Variants in NOX4 observed in about 807,000 individuals in gnomAD.
The protein encoded by NOX4 is kidney oxidase-1.
NOX4 carries 69 observed loss-of-function variants against 87.6 expected under a neutral mutation model. The observed-to-expected ratio is 0.79, with a 90% CI of 0.65 to 0.96. NOX4 has a LOEUF of 0.96. NOX4 is among the 40% of genes least tolerant of loss of function. NOX4 has a pLI of 0.00. For synonymous variants in NOX4, 275 were observed against 238.2 expected, an observed-to-expected ratio of 1.15 and a Z score of -1.42; for missense variants, 680 against 681.5, an observed-to-expected ratio of 1.00 and a Z score of 0.02.
At chr11:89,576,200 A>C in the NOX4 span, among the ~76,000 whole-genome samples, 12 of 152,212 alleles carry the variant, frequency 7.9e-5, no homozygotes, top group Non-Finnish European at 1.2e-4. Flanking sequence ...TAAGTTGAGA[A>C]AGTTTGAAAA....
intron 5 of NOX4, 74 bp downstream of exon 5, chr11:89,444,061 A>T: frequency 7.7e-7 from 1 of 1,291,592 alleles, no homozygotes; most frequent in Non-Finnish European, 1.1e-6. Context: ...ACAAATTTTC[A>T]GGGAAAAATC....
chr11:89,461,214 C>T (rs1230241664), intron 2 of NOX4, among the ~76,000 whole-genome samples: 1 of 151,436 alleles, frequency 6.6e-6, no homozygotes, highest in African/African-American at 2.4e-5. Context: ...TGTTAAATGA[C>T]GAGTTAATGG....
intron 11 of NOX4, among the ~76,000 whole-genome samples, chr11:89,385,050 C>T (rs993708071): frequency 6.6e-6 from 1 of 152,162 alleles, no homozygotes; most frequent in African/African-American, 2.4e-5. Context: ...GAGGCTACCG[C>T]TCTGTCCCCT....
intron 6 of NOX4, among the ~76,000 whole-genome samples, chr11:89,433,825 T>G (rs1179021817): frequency 6.6e-6 from 1 of 152,010 alleles, no homozygotes; most frequent in Non-Finnish European, 1.5e-5. Flanking sequence ...TTGCTACAAA[T>G]CCAACATTAG....
rs1391595202 is a variant in NOX4 at position 89,482,697 on chromosome 11, T to C, written c.153+7761A>G. The stretch of plus-strand genomic sequence containing the variant: ...AAACTAACAGAGTAGGTATTAGTTA[T>C]ACAAGTCCACCTCATATATAAGAAT... On this transcript the variant is annotated intron_variant, in intron 2 of 17. Transcript: ENST00000263317. Among the ~76,000 whole-genome samples the C allele has an allele frequency of 2.6e-5, 4 of 152,228 alleles. No individual in the cohort carries two copies. The East Asian group carries it at 7.7e-4, about 29-fold the overall frequency.
intron 12 of NOX4, among the ~76,000 whole-genome samples, chr11:89,366,536 C>T (rs1369607831): frequency 6.6e-6 from 1 of 151,632 alleles, no homozygotes; most frequent in African/African-American, 2.4e-5. Flanking sequence ...ATTAGCCAGG[C>T]ATGGTGGTCT....
chr11:89,452,952 G>A (rs1009333331), intron 2 of NOX4, among the ~76,000 whole-genome samples: 7 of 152,098 alleles, frequency 4.6e-5, no homozygotes, highest in African/African-American at 1.7e-4. Flanking sequence ...ACTGGCACAG[G>A]AGAATTGCTT....
chr11:89,440,415 G>A (rs561741888), intron 6 of NOX4, among the ~76,000 whole-genome samples: 1 of 152,154 alleles, frequency 6.6e-6, no homozygotes, highest in African/African-American at 2.4e-5. Flanking sequence ...TGCCTCCTGG[G>A]TTCAAGTGAT....
At chr11:89,566,894 C>T in the NOX4 span, among the ~76,000 whole-genome samples, 11 of 152,002 alleles carry the variant, frequency 7.2e-5, no homozygotes, top group Non-Finnish European at 1.2e-4. Flanking sequence ...GAGTATTAAC[C>T]GTAGGAATCC....
At chr11:89,433,075 A>T (rs1943894033) in intron 6 of NOX4, among the ~76,000 whole-genome samples, 1 of 152,164 alleles carries the variant, frequency 6.6e-6, no homozygotes, top group Admixed American at 6.6e-5. Flanking sequence ...GCTATGGAGT[A>T]CATAGTGATG....
At chr11:89,492,288 A>G (rs1268810307), upstream of NOX4, 1 of 152,212 alleles carries the variant, frequency 6.6e-6, no homozygotes, top group Middle Eastern at 3.2e-3. Context: ...ATCTGATGCA[A>G]AATAGATATC....
intron 8 of NOX4, among the ~76,000 whole-genome samples, chr11:89,418,721 G>A (rs1942929698): frequency 1.3e-5 from 2 of 152,002 alleles, no homozygotes; most frequent in Admixed American, 1.3e-4. Flanking sequence ...AGAACATTGT[G>A]AGAATTAGAA....
At chr11:89,447,581 A>G (rs1168537010) in intron 4 of NOX4, among the ~76,000 whole-genome samples, 1 of 152,328 alleles carries the variant, frequency 6.6e-6, no homozygotes, top group Non-Finnish European at 1.5e-5. Flanking sequence ...AAGTTAAAGA[A>G]GGGTAATGTA....
the NOX4 span, among the ~76,000 whole-genome samples, chr11:89,529,775 A>G: frequency 0.093 from 14,145 of 152,240 alleles, 984 homozygotes; most frequent in Admixed American, 0.22. Context: ...ACACACTGGA[A>G]AGCTTTCACT....
At chr11:89,419,780 C>T (rs1942990728) in intron 8 of NOX4, among the ~76,000 whole-genome samples, 1 of 151,894 alleles carries the variant, frequency 6.6e-6, no homozygotes, top group Non-Finnish European at 1.5e-5. Context: ...AAAGAACTCT[C>T]AATGTAATCC....
At chr11:89,485,335 T>G (rs1205793265) in intron 2 of NOX4, among the ~76,000 whole-genome samples, 2 of 152,048 alleles carry the variant, frequency 1.3e-5, no homozygotes, top group African/African-American at 4.8e-5. Context: ...CCTGACACCA[T>G]GTGAATAACT....
At chr11:89,348,190 C>T (rs549325474) in intron 13 of NOX4, among the ~76,000 whole-genome samples, 45 of 152,092 alleles carry the variant, frequency 3.0e-4, no homozygotes, top group Non-Finnish European at 5.7e-4. Flanking sequence ...TCAAGGCAGG[C>T]GGATCACCAG....
intron 2 of NOX4, among the ~76,000 whole-genome samples, chr11:89,471,163 C>T (rs540536409): frequency 3.8e-4 from 58 of 152,184 alleles, no homozygotes; most frequent in African/African-American, 1.3e-3. Context: ...TTTTGCCTTT[C>T]ACCATATCTC....
In NOX4 at chr11:89,454,264, A is replaced by T. The variant is rs1305805558; in HGVS notation, c.154-2369T>A. 2.6e-5 allele frequency among the ~76,000 whole-genome samples: 4 copies of T among 152,204 alleles called. No homozygotes were observed. In the East Asian group the frequency reaches 7.7e-4, roughly 29 times the overall value. On this transcript the variant is annotated intron_variant, in intron 2 of 17. Transcript: ENST00000263317. ...TTCTAAAATGTTTTAATATTACCCT[A>T]CATTTTTATTTTAATTATCTGTTTA...
Sources: gnomAD v4.1 joint callset for allele counts (sites outside exome capture counted in the v4.1 genomes callset) on GRCh38, gnomAD v4.1.1 for gene constraint, MANE v1.5 for transcripts, NCBI Gene and HGNC (gene_info 2026-07-23, HGNC 2026-07-21) for gene names.